Variants in RAB38 observed in about 807,000 individuals in gnomAD.
RAB38 encodes the protein RAB38, member RAS oncogene family, also known as ras-related protein Rab-38.
In RAB38, 15 loss-of-function variants were observed where a neutral mutation model predicts 18.4. The ratio of observed to expected loss-of-function variants is 0.82; its 90% CI spans 0.55 to 1.26. The LOEUF (loss-of-function observed/expected upper bound fraction) is 1.26. RAB38 is among the 50% of genes most tolerant of loss of function. The pLI is 0.00. For missense variants in RAB38, 294 were observed against 267.4 expected (o/e 1.10, Z -0.69); for synonymous variants, 101 against 104.4 (o/e 0.97, Z 0.20).
the RAB38 span, among the ~76,000 whole-genome samples, chr11:87,820,018 TA>T: frequency 2.0e-5 from 3 of 152,200 alleles, no homozygotes; most frequent in East Asian, 5.8e-4. Context: ...TGAAATATCC[TA>T]AAAAATTCTG....
chr11:88,009,353 A>T, the RAB38 span, among the ~76,000 whole-genome samples: 7 of 152,298 alleles, frequency 4.6e-5, no homozygotes, highest in Admixed American at 1.3e-4. Context: ...TTATTAGAAG[A>T]TATGCTTCTC....
the RAB38 span, among the ~76,000 whole-genome samples, chr11:87,915,505 T>C: frequency 6.6e-6 from 1 of 152,096 alleles, no homozygotes; most frequent in African/African-American, 2.4e-5. Context: ...ACCAGTGCCA[T>C]GACAGTTTAC....
At chr11:88,028,374 A>G in the RAB38 span, among the ~76,000 whole-genome samples, 1 of 152,242 alleles carries the variant, frequency 6.6e-6, no homozygotes, top group African/African-American at 2.4e-5. Context: ...ACAAAGCTGG[A>G]AAGAGAATGA....
the RAB38 span, among the ~76,000 whole-genome samples, chr11:87,837,663 T>G: frequency 6.6e-6 from 1 of 152,150 alleles, no homozygotes; most frequent in African/African-American, 2.4e-5. Flanking sequence ...AGCATCATTT[T>G]GCTTATTTTA....
the RAB38 span, among the ~76,000 whole-genome samples, chr11:88,030,781 C>T: frequency 3.3e-5 from 5 of 152,270 alleles, no homozygotes; most frequent in Admixed American, 3.3e-4. Context: ...GGATTCACAG[C>T]CCAATTCCAC....
the RAB38 span, among the ~76,000 whole-genome samples, chr11:88,100,269 C>T: frequency 1.3e-5 from 2 of 151,916 alleles, no homozygotes; most frequent in African/African-American, 4.8e-5. Flanking sequence ...ACAATACTGA[C>T]AGATGCCATA....
At chr11:87,889,496 AATAATG>A in the RAB38 span, among the ~76,000 whole-genome samples, 187 of 152,072 alleles carry the variant, frequency 1.2e-3, 1 homozygote, top group African/African-American at 4.2e-3. Flanking sequence ...AGTTATCAAT[AATAATG>A]ATAATAATTA....
chr11:87,859,577 T>C, the RAB38 span, among the ~76,000 whole-genome samples: 2 of 152,064 alleles, frequency 1.3e-5, no homozygotes, highest in African/African-American at 4.8e-5. Context: ...TTAAATGGCC[T>C]GGCAATTATA....
At chr11:87,962,227 T>TA in the RAB38 span, among the ~76,000 whole-genome samples, 2 of 152,064 alleles carry the variant, frequency 1.3e-5, no homozygotes, top group East Asian at 3.9e-4. Context: ...AAGCATCTTT[T>TA]AAAAAAATCC....
At chr11:88,171,083 G>A (rs778420212) in intron 1 of RAB38, among the ~76,000 whole-genome samples, 2 of 152,202 alleles carry the variant, frequency 1.3e-5, no homozygotes, top group African/African-American at 4.8e-5. Context: ...GTGGGAAAAT[G>A]TATGTGAAAA....
the RAB38 span, among the ~76,000 whole-genome samples, chr11:87,888,855 T>C: frequency 6.6e-6 from 1 of 151,954 alleles, no homozygotes; most frequent in Admixed American, 6.6e-5. Context: ...ACTGCACTGT[T>C]GAACTCCAAA....
chr11:87,857,790 A>T, the RAB38 span, among the ~76,000 whole-genome samples: 1 of 151,914 alleles, frequency 6.6e-6, no homozygotes, highest in Non-Finnish European at 1.5e-5. Flanking sequence ...TAGATTGCAA[A>T]AATTTTCTCC....
the RAB38 span, among the ~76,000 whole-genome samples, chr11:87,945,197 G>T: frequency 2.0e-5 from 3 of 152,098 alleles, no homozygotes; most frequent in African/African-American, 7.2e-5. Context: ...TTCTGATTTT[G>T]TATTGTATCT....
chr11:88,053,035 A>T, the RAB38 span, among the ~76,000 whole-genome samples: 1 of 44,882 alleles, frequency 2.2e-5, no homozygotes, highest in East Asian at 4.3e-4. Context: ...GAATATATAT[A>T]ATATATACAT....
the RAB38 span, among the ~76,000 whole-genome samples, chr11:87,893,374 A>ATATATATATATG: frequency 7.9e-5 from 3 of 37,890 alleles, no homozygotes; most frequent in Admixed American, 3.3e-4. Flanking sequence ...TATTTTACAT[A>ATATATATATATG]TATATATATA....
the RAB38 span, among the ~76,000 whole-genome samples, chr11:88,070,415 C>T: frequency 6.6e-6 from 1 of 152,218 alleles, no homozygotes; most frequent in African/African-American, 2.4e-5. Flanking sequence ...CTCTAACACT[C>T]ACCGCGAGGG....
chr11:87,961,607 C>T, the RAB38 span, among the ~76,000 whole-genome samples: 1 of 152,100 alleles, frequency 6.6e-6, no homozygotes, highest in Admixed American at 6.6e-5. Context: ...AAAGTCAATC[C>T]CTCCTTTTTA....
the RAB38 span, among the ~76,000 whole-genome samples, chr11:87,873,876 G>A: frequency 5.5e-4 from 72 of 130,800 alleles, no homozygotes; most frequent in East Asian, 2.2e-3. Flanking sequence ...GTGTGTGTGT[G>A]TATATATATG....
At chr11:88,129,001 A>C (rs974812168) in intron 2 of RAB38, among the ~76,000 whole-genome samples, 3 of 152,204 alleles carry the variant, frequency 2.0e-5, no homozygotes, top group Non-Finnish European at 4.4e-5. Flanking sequence ...AGTTGTATTT[A>C]CTATATCACT....
Sources: gnomAD v4.1 joint callset for allele counts (sites outside exome capture counted in the v4.1 genomes callset) on GRCh38, gnomAD v4.1.1 for gene constraint, MANE v1.5 for transcripts, NCBI Gene and HGNC (gene_info 2026-07-23, HGNC 2026-07-21) for gene names.